The following GRID2 variants were observed in gnomAD, a reference collection of about 807,000 sequenced individuals.
GRID2 encodes the protein glutamate ionotropic receptor delta type subunit 2, also known as glutamate receptor ionotropic, delta-2.
GRID2 carries 33 observed loss-of-function variants against 114.8 expected under a neutral mutation model. The observed-to-expected ratio is 0.29, with a 90% CI of 0.22 to 0.38. The LOEUF is 0.38. Ranked by LOEUF, GRID2 falls within the 10% of genes least tolerant of loss-of-function variation. The pLI is 1.00. For missense variants in GRID2, 1,184 were observed against 1,257.7 expected (o/e 0.94, Z 0.89); for synonymous variants, 505 against 449.9 (o/e 1.12, Z -1.55).
chr4:92,675,632 G>C (rs1399502664), intron 2 of GRID2, among the ~76,000 whole-genome samples: 1 of 150,776 alleles, frequency 6.6e-6, no homozygotes, highest in Non-Finnish European at 1.5e-5. Flanking sequence ...CTCACTGCAA[G>C]CTCCGCCTCC....
intron 2 of GRID2, among the ~76,000 whole-genome samples, chr4:92,704,233 G>A (rs1560542108): frequency 1.3e-5 from 2 of 152,072 alleles, no homozygotes; most frequent in African/African-American, 4.8e-5. Flanking sequence ...AGCCGAGATC[G>A]CGCCACTGCA....
chr4:93,689,768 A>T (rs1362396507), intron 14 of GRID2, among the ~76,000 whole-genome samples: 1 of 152,120 alleles, frequency 6.6e-6, no homozygotes, highest in African/African-American at 2.4e-5. Context: ...TCAAACTAAG[A>T]TATTTTAAAT....
chr4:92,309,379 A>C (rs1189529330), intron 1 of GRID2, among the ~76,000 whole-genome samples: 2 of 152,002 alleles, frequency 1.3e-5, no homozygotes, highest in African/African-American at 4.8e-5. Flanking sequence ...TTGGATCATC[A>C]TGATATTTTA....
intron 2 of GRID2, among the ~76,000 whole-genome samples, chr4:92,886,328 GA>G (rs1395168796): frequency 2.0e-5 from 3 of 152,020 alleles, no homozygotes; most frequent in Non-Finnish European, 4.4e-5. Flanking sequence ...GAAAATATTT[GA>G]AATATTGCGA....
At chr4:93,073,395 C>A (rs1424362677) in intron 2 of GRID2, among the ~76,000 whole-genome samples, 2 of 152,188 alleles carry the variant, frequency 1.3e-5, no homozygotes, top group Admixed American at 6.5e-5. Context: ...ATAATATTTT[C>A]TTTTCTCTAG....
At chr4:93,766,936 C>A (rs768727666) in intron 14 of GRID2, among the ~76,000 whole-genome samples, 3 of 152,144 alleles carry the variant, frequency 2.0e-5, no homozygotes, top group African/African-American at 7.2e-5. Context: ...AAGCTTTACA[C>A]CTATCGACGA....
At chr4:92,386,225 A>G (rs1168772943) in intron 1 of GRID2, among the ~76,000 whole-genome samples, 1 of 151,688 alleles carries the variant, frequency 6.6e-6, no homozygotes, top group African/African-American at 2.4e-5. Context: ...CTACTTTATC[A>G]TTATTCCCTT....
chr4:93,437,089 C>T (rs1013754441), intron 10 of GRID2, among the ~76,000 whole-genome samples: 2 of 152,058 alleles, frequency 1.3e-5, no homozygotes, highest in African/African-American at 4.8e-5. Context: ...CTGCAATTAA[C>T]ACAAAACCCA....
At chr4:92,729,827 A>AT (rs1736247248) in intron 2 of GRID2, among the ~76,000 whole-genome samples, 1 of 151,820 alleles carries the variant, frequency 6.6e-6, no homozygotes, top group Non-Finnish European at 1.5e-5. Context: ...AACAGTAAAA[A>AT]AAAATCCTCT....
intron 1 of GRID2, among the ~76,000 whole-genome samples, chr4:92,461,084 ATATATT>A (rs1309901657): frequency 6.6e-6 from 1 of 151,544 alleles, no homozygotes; most frequent in Non-Finnish European, 1.5e-5. Context: ...TATATAAATC[ATATATT>A]TATATAACTT....
chr4:92,489,186 G>A lies in GRID2; in HGVS notation c.89-100945G>A, dbSNP rs373916065. 2.1e-4 allele frequency among the ~76,000 whole-genome samples: 32 copies of A among 152,114 alleles called. No homozygotes were observed. In the East Asian group the frequency reaches 5.6e-3, roughly 27 times the overall value. On this transcript the variant is annotated intron_variant, in intron 1 of 15. Coordinates refer to ENST00000282020, the MANE Select transcript of GRID2 (RefSeq NM_001510.4). ...CAGCAATAATAAATATGCAGATTTAGGAAGTTTACATTGCACTCTATGGTT... is the reference window on the plus strand; with the variant it reads ...CAGCAATAATAAATATGCAGATTTAAGAAGTTTACATTGCACTCTATGGTT...
chr4:92,419,986 G>A (rs916923297), intron 1 of GRID2, among the ~76,000 whole-genome samples: 12 of 152,058 alleles, frequency 7.9e-5, no homozygotes, highest in Non-Finnish European at 1.5e-4. Flanking sequence ...TTATTATAAA[G>A]TATGATATTT....
intron 1 of GRID2, among the ~76,000 whole-genome samples, chr4:92,382,076 A>T (rs1729644637): frequency 6.6e-6 from 1 of 151,984 alleles, no homozygotes; most frequent in South Asian, 2.1e-4. Flanking sequence ...AACATAGTAG[A>T]TATGTCCACA....
At chr4:92,407,081 TAG>T (rs70940885) in intron 1 of GRID2, among the ~76,000 whole-genome samples, 32 of 149,768 alleles carry the variant, frequency 2.1e-4, no homozygotes, top group South Asian at 4.2e-4. Context: ...TGGCAGGAGA[TAG>T]AGAGAGAGAG....
intron 1 of GRID2, among the ~76,000 whole-genome samples, chr4:92,542,390 G>A (rs1726010629): frequency 6.6e-6 from 1 of 152,136 alleles, no homozygotes; most frequent in Non-Finnish European, 1.5e-5. Context: ...TCACAGAGGT[G>A]TTGAAAAGAT....
intron 14 of GRID2, among the ~76,000 whole-genome samples, chr4:93,645,894 C>T (rs1174168295): frequency 6.6e-6 from 1 of 152,092 alleles, no homozygotes; most frequent in African/African-American, 2.4e-5. Flanking sequence ...TTTTCATCTT[C>T]CATAATAAAG....
intron 2 of GRID2, among the ~76,000 whole-genome samples, chr4:92,858,730 T>A (rs1744334581): frequency 6.6e-6 from 1 of 152,104 alleles, no homozygotes; most frequent in Non-Finnish European, 1.5e-5. Flanking sequence ...GCTAATTTTT[T>A]GTATTTTTAG....
chr4:93,784,086 A>C (rs1007407150), intron 1 of GRID2, among the ~76,000 whole-genome samples: 99 of 149,962 alleles, frequency 6.6e-4, no homozygotes, highest in African/African-American at 2.3e-3. Context: ...AAAAAAAAAA[A>C]AAAAAAAAAA....
intron 3 of GRID2, among the ~76,000 whole-genome samples, chr4:93,098,989 C>CTCTGTGTGTG (rs1553986877): frequency 7.9e-5 from 11 of 138,982 alleles, no homozygotes; most frequent in Admixed American, 5.2e-4. Context: ...AGATCATTTC[C>CTCTGTGTGTG]TGTGTGTGTG....
Sources: gnomAD v4.1 joint callset for allele counts (sites outside exome capture counted in the v4.1 genomes callset) on GRCh38, gnomAD v4.1.1 for gene constraint, MANE v1.5 for transcripts, NCBI Gene and HGNC (gene_info 2026-07-23, HGNC 2026-07-21) for gene names.